The following THAP3 variants were observed in gnomAD, a reference collection of about 807,000 sequenced individuals.
THAP3 encodes the protein THAP domain-containing protein 3.
In THAP3, 12 loss-of-function variants were observed where a neutral mutation model predicts 17.7. The observed-to-expected ratio is 0.68, with a 90% CI of 0.43 to 1.10. The LOEUF (loss-of-function observed/expected upper bound fraction) is 1.10, where lower values mean the gene tolerates loss of function less well. Among genes scored for constraint, THAP3 ranks in the 50% least tolerant of loss-of-function variants. THAP3 has a pLI of 0.00. For missense variants in THAP3, 289 were observed against 318.0 expected (o/e 0.91, Z 0.69); for synonymous variants, 133 against 126.9 (o/e 1.05, Z -0.32).
chr1:6,628,820 T>C, intron 3 of THAP3, 129 bp downstream of exon 3: 1 of 917,950 alleles, frequency 1.1e-6, no homozygotes, highest in Admixed American at 2.7e-5. Flanking sequence ...AACAGCACTG[T>C]CACGCCTCTG....
In THAP3 at chr1:6,625,287, C is replaced by T; in HGVS notation, c.69C>T (p.Phe23=). ...RYSSRRKQLT[F]HRFPFSRPEL... ...GCAGCCGCAGGAAGCAGCTCACCTT[C>T]CACCGGTAAGAGGCGGGGACCCGGG... The change falls in exon 2 of 6, where the codon TTC becomes TTT. Residue 23 remains phenylalanine (F), a synonymous_variant. Transcript: ENST00000054650. The T allele has an allele frequency of 6.5e-7, 1 of 1,540,982 alleles. No homozygotes were observed. The highest frequency in any genetic ancestry group is 8.7e-7 in the Non-Finnish European group (1 of 1,145,598).
At chr1:6,634,385 C>G, downstream of THAP3, 1 of 1,196,668 alleles carries the variant, frequency 8.4e-7, no homozygotes, top group Non-Finnish European at 1.1e-6. Flanking sequence ...ATTGGACAAC[C>G]CGAACTGCTT....
rs547146651 is a variant in THAP3, at chr1:6,631,204, T to C, written c.333+851T>C. On this transcript the variant is annotated intron_variant, in intron 4 of 5. Transcript: ENST00000054650. ...TTTTTTTTTTTTTTTTTTTTAGAAATGGGGGTCTTGCTATCTTGCCCAGTC... is the reference window on the plus strand; with the variant it reads ...TTTTTTTTTTTTTTTTTTTTAGAAACGGGGGTCTTGCTATCTTGCCCAGTC... 5.4e-5 allele frequency among the ~76,000 whole-genome samples: 8 copies of C among 146,940 alleles called. No individual in the cohort carries two copies. In the East Asian group the frequency reaches 1.6e-3, roughly 29 times the overall value.
rs377092613 is a variant in THAP3, at chr1:6,631,584, C to T, written c.334-807C>T. Among the ~76,000 whole-genome samples the T allele has an allele frequency of 1.2e-4, 18 of 152,140 alleles. No homozygotes were observed. In the East Asian group the frequency reaches 2.7e-3, roughly 23 times the overall value. On this transcript the variant is annotated intron_variant, in intron 4 of 5. Transcript: ENST00000054650. ...AGGAGTTCGAAACCAGCCTGGCCAA[C>T]ATGGTGAAACTCCATCTCTACTAAA... is the stretch of plus-strand genomic sequence containing the variant.
At chr1:6,633,674 C>G (rs748261883), downstream of THAP3, 1 of 800,606 alleles carries the variant, frequency 1.2e-6, no homozygotes, top group Non-Finnish European at 1.6e-6. Context: ...TTTGAGAGGC[C>G]GAGGTGGGGA....
intron 2 of THAP3, 43 bp downstream of exon 2, chr1:6,625,335 G>A (rs113792734): frequency 6.7e-7 from 1 of 1,500,772 alleles, no homozygotes; most frequent in Admixed American, 2.1e-5. Flanking sequence ...CCAGACCCGG[G>A]GCCCGCGGAC....
rs76244649 is a variant in THAP3, at chr1:6,632,601, G to A, written c.438+106G>A. ...CCATGAGACCTGTGTGGCCGAGGCA[G>A]GGTGTGCAGCCTGGGTTTCAGAGCT... On this transcript the variant is annotated intron_variant, in intron 5 of 5. Transcript: ENST00000054650. 14 of 1,531,786 alleles carry A rather than the reference G, an allele frequency of 9.1e-6. No individual in the cohort carries two copies. The East Asian group carries it at 3.2e-4, about 35-fold the overall frequency. 94.9% of individuals were successfully genotyped at this position (1,531,786 alleles called of 1,614,324 possible). A position where few individuals can be genotyped will look rare whatever the true frequency, so the allele number is the denominator to read the frequency against.
At chr1:6,633,996 A>T (rs1298642754), downstream of THAP3, 1 of 1,608,790 alleles carries the variant, frequency 6.2e-7, no homozygotes, top group Non-Finnish European at 8.5e-7. Flanking sequence ...TGATTTCCTA[A>T]CTTGGGGTCT....
intron 2 of THAP3, among the ~76,000 whole-genome samples, chr1:6,626,398 C>G (rs996955621): frequency 2.6e-5 from 4 of 152,056 alleles, no homozygotes; most frequent in African/African-American, 9.7e-5. Flanking sequence ...CCAAAGGGAA[C>G]CCTATCCTGC....
rs1314252165 is a variant in THAP3 at position 6,633,163 on chromosome 1, T to C, written c.*86T>C. ...TCTGGCTGTGGACATTTTTGTCTGC[T>C]GTGGACACTGAGAAAGTTGGCCATG... is the stretch of plus-strand genomic sequence containing the variant. On this transcript the variant is annotated 3_prime_UTR_variant, in exon 6 of 6. Coordinates refer to ENST00000054650, the MANE Select transcript of THAP3 (RefSeq NM_001195753.2). The C allele has an allele frequency of 2.3e-5, 35 of 1,490,914 alleles. No individual in the cohort carries two copies. The highest frequency in any genetic ancestry group is 2.8e-5 in the Non-Finnish European group (31 of 1,122,460). 92.4% of individuals were successfully genotyped at this position (1,490,914 alleles called of 1,614,324 possible). A position where few individuals can be genotyped will look rare whatever the true frequency, so the allele number is the denominator to read the frequency against.
At chr1:6,631,485 C>T (rs903252393) in intron 4 of THAP3, among the ~76,000 whole-genome samples, 3 of 151,654 alleles carry the variant, frequency 2.0e-5, no homozygotes, top group African/African-American at 4.8e-5. Context: ...AAAAATTAGC[C>T]GGGCTGGGCG....
downstream of THAP3, chr1:6,634,766 C>T (rs149431964): frequency 3.7e-4 from 495 of 1,330,006 alleles, 2 homozygotes; most frequent in African/African-American, 5.1e-3. Flanking sequence ...CCTGCAGGAG[C>T]GGGGAGCTGC....
At chr1:6,629,331 G>C (rs1641546432) in intron 3 of THAP3, among the ~76,000 whole-genome samples, 1 of 152,232 alleles carries the variant, frequency 6.6e-6, no homozygotes, top group African/African-American at 2.4e-5. Flanking sequence ...GGATTTATGG[G>C]GAGAGGAAAG....
intron 2 of THAP3, among the ~76,000 whole-genome samples, chr1:6,627,133 T>C (rs1641488122): frequency 6.6e-6 from 1 of 152,180 alleles, no homozygotes; most frequent in African/African-American, 2.4e-5. Flanking sequence ...CTTCTCAGTC[T>C]CCTTTGCTGG....
chr1:6,634,404 C>A, downstream of THAP3: 1 of 1,227,642 alleles, frequency 8.1e-7, no homozygotes, highest in Non-Finnish European at 1.1e-6. Context: ...TTTTCAAAAC[C>A]AGAGGAAGGA....
At chr1:6,625,048 C>T in intron 1 of THAP3, 94 bp downstream of exon 1, 3 of 701,424 alleles carry the variant, frequency 4.3e-6, no homozygotes, top group Non-Finnish European at 6.8e-6. Flanking sequence ...GGGTCCCGTC[C>T]GACCCTGGGG....
chr1:6,626,476 C>T (rs180792856), intron 2 of THAP3, among the ~76,000 whole-genome samples: 134 of 152,290 alleles, frequency 8.8e-4, no homozygotes, highest in African/African-American at 3.0e-3. Context: ...AATGCAAGTG[C>T]CAGAATTTAC....
downstream of THAP3, chr1:6,634,476 G>A (rs1280626066): frequency 7.5e-7 from 1 of 1,324,896 alleles, no homozygotes; most frequent in Non-Finnish European, 1.0e-6. Context: ...AGCAACAGCT[G>A]TGGGTGGGCT....
At chr1:6,625,862 G>T (rs921842987) in intron 2 of THAP3, among the ~76,000 whole-genome samples, 1 of 152,180 alleles carries the variant, frequency 6.6e-6, no homozygotes, top group African/African-American at 2.4e-5. Context: ...TCCGAAGGGG[G>T]GCTTGTGCTC....
Sources: gnomAD v4.1 joint callset for allele counts (sites outside exome capture counted in the v4.1 genomes callset) on GRCh38, gnomAD v4.1.1 for gene constraint, MANE v1.5 for transcripts, NCBI Gene and HGNC (gene_info 2026-07-23, HGNC 2026-07-21) for gene names.